The following FSTL5 variants were observed in gnomAD, a reference collection of about 807,000 sequenced individuals.
FSTL5 encodes follistatin like 5, also known as follistatin-related protein 5.
Under a neutral mutation model 89.1 loss-of-function variants are expected in FSTL5, and 62 were observed. The ratio of observed to expected loss-of-function variants is 0.70; its 90% CI spans 0.57 to 0.86. FSTL5 has a LOEUF of 0.86. FSTL5 is among the 40% of genes least tolerant of loss of function. The pLI, the probability that FSTL5 is intolerant of heterozygous loss-of-function variation, is 0.00. For synonymous variants in FSTL5, 383 were observed against 346.2 expected (o/e 1.11, Z -1.18); for missense variants, 1,057 against 1,001.6 (o/e 1.06, Z -0.75).
intron 6 of FSTL5, among the ~76,000 whole-genome samples, chr4:161,676,689 GAC>G (rs1737316102): frequency 6.6e-6 from 1 of 150,636 alleles, no homozygotes. Context: ...ATAAATTAAA[GAC>G]TCCTAAAAAA....
chr4:161,550,863 T>C (rs1732183441), intron 8 of FSTL5, among the ~76,000 whole-genome samples: 1 of 151,960 alleles, frequency 6.6e-6, no homozygotes. Flanking sequence ...GATAGTTTGC[T>C]GAGAATGATG....
intron 2 of FSTL5, among the ~76,000 whole-genome samples, chr4:162,103,847 A>C (rs961252335): frequency 2.0e-5 from 3 of 152,184 alleles, no homozygotes; most frequent in African/African-American, 7.2e-5. Context: ...AATGCTAATT[A>C]GGCAAAAACA....
intron 4 of FSTL5, among the ~76,000 whole-genome samples, chr4:161,911,929 T>C (rs1349308490): frequency 6.6e-6 from 1 of 152,166 alleles, no homozygotes; most frequent in African/African-American, 2.4e-5. Flanking sequence ...GGTACAAAGC[T>C]TTTCACTTTT....
chr4:161,829,572 A>G (rs1201817398), intron 4 of FSTL5, among the ~76,000 whole-genome samples: 1 of 152,056 alleles, frequency 6.6e-6, no homozygotes, highest in South Asian at 2.1e-4. Context: ...GGAATGAAAA[A>G]TAATTTCCAG....
intron 6 of FSTL5, among the ~76,000 whole-genome samples, chr4:161,754,913 G>A (rs1464395202): frequency 1.3e-5 from 2 of 152,026 alleles, no homozygotes; most frequent in Admixed American, 6.6e-5. Flanking sequence ...GAAATATTTA[G>A]CACTTGGTAT....
At chr4:162,070,347 A>G (rs1205347856) in intron 2 of FSTL5, among the ~76,000 whole-genome samples, 1 of 151,708 alleles carries the variant, frequency 6.6e-6, no homozygotes, top group Non-Finnish European at 1.5e-5. Flanking sequence ...TTTCTGTGTA[A>G]AAGCTTTTTA....
intron 8 of FSTL5, chr4:161,552,479 G>A (rs1488721211): frequency 1.3e-5 from 2 of 151,578 alleles, no homozygotes; most frequent in East Asian, 2.0e-4. Context: ...TATTATATGG[G>A]CCACTTACAT....
At chr4:162,055,300 T>C (rs1389566348) in intron 2 of FSTL5, among the ~76,000 whole-genome samples, 2 of 151,772 alleles carry the variant, frequency 1.3e-5, no homozygotes, top group Non-Finnish European at 2.9e-5. Context: ...TTGATCAATA[T>C]ATACAAATGA....
At chr4:162,042,705 T>A (rs920552439) in intron 2 of FSTL5, among the ~76,000 whole-genome samples, 1 of 152,002 alleles carries the variant, frequency 6.6e-6, no homozygotes, top group Admixed American at 6.6e-5. Flanking sequence ...TAGAAACATT[T>A]ATTTCTCAAT....
intron 2 of FSTL5, among the ~76,000 whole-genome samples, chr4:162,036,552 T>C (rs1033141596): frequency 1.3e-5 from 2 of 152,068 alleles, no homozygotes; most frequent in Non-Finnish European, 2.9e-5. Context: ...ATTATCACTC[T>C]ATAAATTAGA....
chr4:161,831,833 T>G (rs905638585), intron 4 of FSTL5, among the ~76,000 whole-genome samples: 3 of 151,864 alleles, frequency 2.0e-5, no homozygotes, highest in Non-Finnish European at 4.4e-5. Context: ...TCTGAAAAAT[T>G]TAAAGACTTT....
At chr4:162,094,274 C>A (rs1320597176) in intron 2 of FSTL5, among the ~76,000 whole-genome samples, 1 of 152,084 alleles carries the variant, frequency 6.6e-6, no homozygotes, top group East Asian at 1.9e-4. Flanking sequence ...GTAATCCCAG[C>A]TACTTGGGAG....
At chr4:161,663,193 A>G (rs1303591298) in intron 6 of FSTL5, among the ~76,000 whole-genome samples, 2 of 152,010 alleles carry the variant, frequency 1.3e-5, no homozygotes, top group Admixed American at 6.6e-5. Context: ...GACTCTCCAA[A>G]TCTCATGTCC....
intron 10 of FSTL5, among the ~76,000 whole-genome samples, chr4:161,516,408 A>T (rs1352776132): frequency 6.8e-6 from 1 of 147,380 alleles, no homozygotes; most frequent in Non-Finnish European, 1.5e-5. Flanking sequence ...ATGTAAATAT[A>T]TATTTTTTTA....
chr4:161,875,615 T>C (rs1344553779), intron 4 of FSTL5, among the ~76,000 whole-genome samples: 1 of 152,208 alleles, frequency 6.6e-6, no homozygotes, highest in Non-Finnish European at 1.5e-5. Context: ...CTGTGGAGTG[T>C]ACTTTTCGTT....
intron 3 of FSTL5, among the ~76,000 whole-genome samples, chr4:162,021,587 G>A (rs1419398734): frequency 1.3e-5 from 2 of 151,850 alleles, no homozygotes; most frequent in East Asian, 3.9e-4. Context: ...ATAACCAATA[G>A]AATACTACCC....
At position 161,519,570 on chromosome 4, in the gene FSTL5, GA is replaced by G. The variant is rs1730956924; in HGVS notation, c.1313-9147del. Among the ~76,000 whole-genome samples, 3 of 151,852 alleles carry G rather than the reference GA, an allele frequency of 2.0e-5. No homozygotes were observed. In the South Asian group the frequency reaches 6.2e-4, roughly 32 times the overall value. ...CAAAAAATAACGAAATTTCTAATAA[GA>G]AAACATAAAAACTTTTCTAGCTAAC... On this transcript the variant is annotated intron_variant, in intron 10 of 15. Coordinates refer to ENST00000306100, the MANE Select transcript of FSTL5 (RefSeq NM_020116.5).
At chr4:161,779,707 A>T (rs2126807679) in intron 4 of FSTL5, among the ~76,000 whole-genome samples, 1 of 145,428 alleles carries the variant, frequency 6.9e-6, no homozygotes, top group Non-Finnish European at 1.5e-5. Flanking sequence ...TTTAATAGCT[A>T]AAATTAAATA....
chr4:162,115,226 A>C (rs540440416), intron 1 of FSTL5, among the ~76,000 whole-genome samples: 1 of 152,232 alleles, frequency 6.6e-6, no homozygotes, highest in Non-Finnish European at 1.5e-5. Context: ...AAACAAATGA[A>C]TCCAATTATA....
Sources: allele counts gnomAD v4.1 joint callset (sites outside exome capture counted in the v4.1 genomes callset), GRCh38; gene constraint gnomAD v4.1.1; transcripts MANE v1.5; gene names NCBI Gene and HGNC (gene_info 2026-07-23, HGNC 2026-07-21).